Variants in FAHD2A observed in about 807,000 individuals in gnomAD.
FAHD2A encodes the protein fumarylacetoacetate hydrolase domain containing 2A.
A neutral mutation model predicts 33.4 loss-of-function variants in FAHD2A; 27 were observed. That is an observed-to-expected ratio of 0.81 (90% confidence interval 0.60 to 1.11). The LOEUF (loss-of-function observed/expected upper bound fraction) is 1.11. Ranked by LOEUF, FAHD2A falls within the 50% of genes most tolerant of loss-of-function variation. The probability of loss-of-function intolerance (pLI) is 0.00; values close to 1 mark genes in which losing one functional copy is unlikely to be tolerated. For missense variants in FAHD2A, 296 were observed against 395.0 expected (o/e 0.75, Z 2.12); for synonymous variants, 130 against 153.3 (o/e 0.85, Z 1.12).
Position 95,403,362 on chromosome 2 carries a change from T to C in FAHD2A, c.-7+490T>C, listed in dbSNP as rs774544886. ...GGAATGAACCTGCATGTGTGTGTCA[T>C]GTGGGAAGGGAACAGTCAGTGGGGC... On this transcript the variant is annotated intron_variant, in intron 1 of 7. Coordinates refer to ENST00000233379, the MANE Select transcript of FAHD2A (RefSeq NM_016044.3). Among the ~76,000 whole-genome samples, 3 of 152,276 alleles carry C rather than the reference T, an allele frequency of 2.0e-5. No homozygotes were observed. The South Asian group carries it at 6.2e-4, about 32-fold the overall frequency.
At chr2:95,411,274 C>T (rs1292001761) in intron 5 of FAHD2A, among the ~76,000 whole-genome samples, 2 of 152,234 alleles carry the variant, frequency 1.3e-5, no homozygotes. Context: ...TTACAAAGAA[C>T]ACTGAGCTGA....
Position 95,415,884 on chromosome 2 carries a change from C to T in FAHD2A, c.*2927C>T, listed in dbSNP as rs1321916403. The T allele has an allele frequency of 6.6e-6, 1 of 152,312 alleles. No individual in the cohort carries two copies. Among genetic ancestry groups the T allele is most frequent in the African/African-American group, 2.4e-5 (1 of 41,448 alleles). The allele number at this position is 152,312 out of a possible 1,614,324, so 9.4% of individuals were successfully genotyped here. ...ATTTAACCTCTCTAAGCTAAAGCTC[C>T]TCGACTGCAGCATCAACAGATCAGT... On this transcript the variant is annotated 3_prime_UTR_variant, in exon 8 of 8. Transcript: ENST00000233379.
At chr2:95,405,916 C>G in intron 2 of FAHD2A, 113 bp downstream of exon 2, 1 of 1,228,578 alleles carries the variant, frequency 8.1e-7, no homozygotes, top group Non-Finnish European at 1.1e-6. Flanking sequence ...CAGAGTAACC[C>G]CACCTTTCCT....
chr2:95,411,226 C>T (rs1270348755), intron 5 of FAHD2A, among the ~76,000 whole-genome samples, 200 bp downstream of exon 5: 2 of 152,224 alleles, frequency 1.3e-5, no homozygotes. Flanking sequence ...AGAGGGAACA[C>T]AACTGCAGAG....
chr2:95,414,165 G>C lies in FAHD2A; in HGVS notation c.*1208G>C. On this transcript the variant is annotated 3_prime_UTR_variant, in exon 8 of 8. Coordinates refer to ENST00000233379, the MANE Select transcript of FAHD2A (RefSeq NM_016044.3). Reference sequence around the variant, plus strand: ...TCTGCAGCCCGCCTTCCTAGAGTTGGGTTGTCACTGTCCGGCAGGGGGCAG... The same window carrying C: ...TCTGCAGCCCGCCTTCCTAGAGTTGCGTTGTCACTGTCCGGCAGGGGGCAG... 1 of 1,569,186 alleles carries C rather than the reference G, an allele frequency of 6.4e-7. No individual in the cohort carries two copies. The highest frequency in any genetic ancestry group is 8.6e-7 in the Non-Finnish European group (1 of 1,157,554).
At chr2:95,419,835 A>G (rs572681819), downstream of FAHD2A, among the ~76,000 whole-genome samples, 2 of 152,166 alleles carry the variant, frequency 1.3e-5, no homozygotes, top group African/African-American at 4.8e-5. Context: ...GAGTGGGGGC[A>G]GGGGCACAGA....
downstream of FAHD2A, among the ~76,000 whole-genome samples, chr2:95,419,622 G>T (rs2104392018): frequency 6.6e-6 from 1 of 152,204 alleles, no homozygotes; most frequent in African/African-American, 2.4e-5. Flanking sequence ...ATAAATGGAA[G>T]CAGATGGAAG....
At position 95,412,436 on chromosome 2, in the gene FAHD2A, C is replaced by A. The variant is rs780763302; in HGVS notation, c.688C>A (p.Pro230Thr). The A allele has an allele frequency of 6.2e-6, 10 of 1,613,728 alleles. No individual in the cohort carries two copies. In the South Asian group the frequency reaches 1.1e-4, roughly 18 times the overall value. Residue 230 changes from proline (P) to threonine (T), a missense_variant and splice_region_variant, in exon 6 of 8, where the codon CCA (proline) becomes ACA (threonine). By Grantham distance (38) the Pro-to-Thr change is conservative. Transcript: ENST00000233379. ...ALVTKDSVADPHNLKICCRVN... is the reference protein window; with the variant it reads ...ALVTKDSVADTHNLKICCRVN... Reference sequence around the variant, plus strand: ...AAGGTACCATCTTTGCATTTCAGATCCACACAACTTAAAGATCTGCTGCCG... The same window carrying A: ...AAGGTACCATCTTTGCATTTCAGATACACACAACTTAAAGATCTGCTGCCG...
intron 3 of FAHD2A, among the ~76,000 whole-genome samples, chr2:95,409,205 A>G (rs1055514267): frequency 4.6e-5 from 7 of 152,198 alleles, no homozygotes; most frequent in African/African-American, 1.7e-4. Context: ...TAAGCAATCC[A>G]TGGGTGGTAG....
chr2:95,408,035 A>ATTTT lies in FAHD2A; in HGVS notation c.462+899_462+902dup, dbSNP rs11377714. Among the ~76,000 whole-genome samples the ATTTT allele has an allele frequency of 2.9e-3, 271 of 94,592 alleles. 1 individual carries two copies. Among genetic ancestry groups the ATTTT allele is most frequent in the Non-Finnish European group, 3.7e-3 (186 of 49,858 alleles). The allele number at this position is 94,592 out of a possible 152,430, so 62.1% of individuals were successfully genotyped here. A position where few individuals can be genotyped will look rare whatever the true frequency, so the allele number is the denominator to read the frequency against. Reference sequence around the variant, plus strand: ...CCTGCCCTCCACATGGCAAACACACATTTTTTTTTTTTTTTTTTTTTTTTG... The same window carrying ATTTT: ...CCTGCCCTCCACATGGCAAACACACATTTTTTTTTTTTTTTTTTTTTTTTTTTTG... On this transcript the variant is annotated intron_variant, in intron 3 of 7. Coordinates refer to ENST00000233379, the MANE Select transcript of FAHD2A (RefSeq NM_016044.3).
At chr2:95,419,151 A>G (rs1683279965), downstream of FAHD2A, among the ~76,000 whole-genome samples, 2 of 152,108 alleles carry the variant, frequency 1.3e-5, no homozygotes, top group South Asian at 4.1e-4. Flanking sequence ...CAGGTCTCCA[A>G]GATTGCAAGA....
In FAHD2A at chr2:95,414,078, TTC is replaced by T. The variant is rs1682921527; in HGVS notation, c.*1126_*1127del. The stretch of plus-strand genomic sequence containing the variant: ...GGACAGGGAGACACTGGGCACAGGC[TTC>T]TCTCCTCTTGTTTAAAGAAGCCCAG... On this transcript the variant is annotated 3_prime_UTR_variant, in exon 8 of 8. Coordinates refer to ENST00000233379, the MANE Select transcript of FAHD2A (RefSeq NM_016044.3). 3.6e-6 allele frequency: 5 copies of T among 1,407,046 alleles called. No homozygotes were observed. In the African/African-American group the frequency reaches 5.7e-5, roughly 16 times the overall value. The allele number at this position is 1,407,046 out of a possible 1,614,324, so 87.2% of individuals were successfully genotyped here.
downstream of FAHD2A, among the ~76,000 whole-genome samples, chr2:95,420,839 G>T (rs1312408016): frequency 6.6e-6 from 1 of 151,982 alleles, no homozygotes; most frequent in Non-Finnish European, 1.5e-5. Context: ...AAAAGTAAAA[G>T]AAGCCTTGTT....
chr2:95,406,472 G>A (rs1681579726), intron 2 of FAHD2A, among the ~76,000 whole-genome samples: 4 of 151,400 alleles, frequency 2.6e-5, no homozygotes, highest in African/African-American at 9.7e-5. Flanking sequence ...TCTCTATAGA[G>A]CAGTAATATG....
chr2:95,413,271 G>T lies in FAHD2A; in HGVS notation c.*314G>T. Reference sequence around the variant, plus strand: ...TGCTGGGCTGGGGAAAAGACAATTCGTGTCGTCCCCTTGTTTATCACATCA... The same window carrying T: ...TGCTGGGCTGGGGAAAAGACAATTCTTGTCGTCCCCTTGTTTATCACATCA... On this transcript the variant is annotated 3_prime_UTR_variant, in exon 8 of 8. Coordinates refer to ENST00000233379, the MANE Select transcript of FAHD2A (RefSeq NM_016044.3). 1.5e-6 allele frequency: 2 copies of T among 1,346,390 alleles called. No individual in the cohort carries two copies. Among genetic ancestry groups the T allele is most frequent in the Non-Finnish European group, 2.0e-6 (2 of 1,007,376 alleles). 83.4% of individuals were successfully genotyped at this position (1,346,390 alleles called of 1,614,324 possible). A position where few individuals can be genotyped will look rare whatever the true frequency, so the allele number is the denominator to read the frequency against.
At position 95,413,372 on chromosome 2, in the gene FAHD2A, C is replaced by T; in HGVS notation, c.*415C>T. ...ATATTTATAGCTAAGGGTTTGCAGC[C>T]TCCTCTCCATCTTCTGGCTCTAGGA... is the stretch of plus-strand genomic sequence containing the variant. On this transcript the variant is annotated 3_prime_UTR_variant, in exon 8 of 8. Coordinates refer to ENST00000233379, the MANE Select transcript of FAHD2A (RefSeq NM_016044.3). The T allele has an allele frequency of 6.4e-7, 1 of 1,553,382 alleles. No homozygotes were observed. Among genetic ancestry groups the T allele is most frequent in the Non-Finnish European group, 8.6e-7 (1 of 1,156,650 alleles).
chr2:95,408,035 A>ATTT lies in FAHD2A; in HGVS notation c.462+900_462+902dup, dbSNP rs11377714. On this transcript the variant is annotated intron_variant, in intron 3 of 7. Transcript: ENST00000233379. ...CCTGCCCTCCACATGGCAAACACAC[A>ATTT]TTTTTTTTTTTTTTTTTTTTTTTTG... Among the ~76,000 whole-genome samples the ATTT allele has an allele frequency of 3.5e-3, 327 of 94,622 alleles. 4 individuals carry two copies. Among genetic ancestry groups the ATTT allele is most frequent in the Non-Finnish European group, 4.1e-3 (205 of 49,894 alleles). The allele number at this position is 94,622 out of a possible 152,430, so 62.1% of individuals were successfully genotyped here.
At chr2:95,404,117 C>T (rs1444536415) in intron 1 of FAHD2A, among the ~76,000 whole-genome samples, 22 of 152,156 alleles carry the variant, frequency 1.4e-4, no homozygotes, top group Admixed American at 9.8e-4. Context: ...GCTGCCTCCA[C>T]ATTTTTGGGC....
At chr2:95,419,803 T>C (rs1354589877), downstream of FAHD2A, among the ~76,000 whole-genome samples, 1 of 151,218 alleles carries the variant, frequency 6.6e-6, no homozygotes, top group South Asian at 2.1e-4. Context: ...TATCTATACA[T>C]GGAGAGAGAG....
Sources: allele counts gnomAD v4.1 joint callset (sites outside exome capture counted in the v4.1 genomes callset), GRCh38; gene constraint gnomAD v4.1.1; transcripts MANE v1.5; gene names NCBI Gene and HGNC (gene_info 2026-07-23, HGNC 2026-07-21).